The following TMEM74 variants were observed in gnomAD, a reference collection of about 807,000 sequenced individuals.
The protein encoded by TMEM74 is transmembrane protein 74.
TMEM74 carries 13 observed loss-of-function variants against 18.1 expected under a neutral mutation model. The observed-to-expected ratio is 0.72, with a 90% CI of 0.47 to 1.14. TMEM74 has a LOEUF of 1.14. Among genes scored for constraint, TMEM74 ranks in the 50% most tolerant of loss-of-function variants. The pLI is 0.00. For missense variants in TMEM74, 372 were observed against 375.9 expected, an observed-to-expected ratio of 0.99 and a Z score of 0.09; for synonymous variants, 159 against 146.6, an observed-to-expected ratio of 1.08 and a Z score of -0.61.
chr8:108,625,657 A>C (rs1221381723), intron 2 of TMEM74, among the ~76,000 whole-genome samples: 2 of 151,978 alleles, frequency 1.3e-5, no homozygotes, highest in African/African-American at 2.4e-5. Context: ...TATCAAATAT[A>C]TATCATTTAA....
intron 1 of TMEM74, among the ~76,000 whole-genome samples, chr8:108,765,406 A>ATTTTTTTTTT (rs1563546064): frequency 1.2e-5 from 1 of 82,706 alleles, no homozygotes; most frequent in East Asian, 3.7e-4. Context: ...GTTTGGAACT[A>ATTTTTTTTTT]CTTTTTTTTT....
At chr8:108,667,306 G>A (rs1261836854) in intron 1 of TMEM74, among the ~76,000 whole-genome samples, 1 of 152,108 alleles carries the variant, frequency 6.6e-6, no homozygotes, top group African/African-American at 2.4e-5. Flanking sequence ...AGATTGTTAA[G>A]TGTTTTTGGT....
rs538816684 is a variant in TMEM74 at position 108,748,445 on chromosome 8, C to G, written n.119+39031G>C. ...TTTTTCTTGTAAATTTGTTTACATTCCTGGTAGCTGCTGGATATTAGACGT... is the reference window on the plus strand; with the variant it reads ...TTTTTCTTGTAAATTTGTTTACATTGCTGGTAGCTGCTGGATATTAGACGT... On this transcript the variant is annotated intron_variant and non_coding_transcript_variant, in intron 1 of 3. Coordinates refer to the TMEM74 transcript ENST00000518838. Among the ~76,000 whole-genome samples the G allele has an allele frequency of 9.9e-5, 15 of 151,710 alleles. No individual in the cohort carries two copies. The South Asian group carries it at 3.1e-3, about 32-fold the overall frequency.
At chr8:108,627,229 A>G (rs1203080579) in intron 2 of TMEM74, among the ~76,000 whole-genome samples, 1 of 151,984 alleles carries the variant, frequency 6.6e-6, no homozygotes, top group Non-Finnish European at 1.5e-5. Flanking sequence ...CTCCTCCCAC[A>G]CTTCCAGATG....
At chr8:108,741,711 A>G (rs1029292350) in intron 1 of TMEM74, among the ~76,000 whole-genome samples, 2 of 152,214 alleles carry the variant, frequency 1.3e-5, no homozygotes, top group Non-Finnish European at 2.9e-5. Context: ...CATTTTGAAG[A>G]AGAGGACATG....
chr8:108,697,938 C>G (rs771110893), intron 1 of TMEM74, among the ~76,000 whole-genome samples: 29 of 152,148 alleles, frequency 1.9e-4, no homozygotes, highest in Admixed American at 6.5e-5. Context: ...TTTCTTCAAT[C>G]TTTCTCAAGA....
chr8:108,640,115 C>CTTTTTT (rs35455409), intron 2 of TMEM74, among the ~76,000 whole-genome samples: 38 of 78,892 alleles, frequency 4.8e-4, no homozygotes, highest in Non-Finnish European at 5.7e-4. Flanking sequence ...ATAGTAATCA[C>CTTTTTT]TTTTTTTTTT....
At chr8:108,765,467 T>A (rs538161601) in intron 1 of TMEM74, among the ~76,000 whole-genome samples, 1 of 145,440 alleles carries the variant, frequency 6.9e-6, no homozygotes, top group African/African-American at 2.5e-5. Flanking sequence ...AGTACAGTGA[T>A]GTAATCTCAG....
intron 1 of TMEM74, among the ~76,000 whole-genome samples, chr8:108,770,970 C>T (rs1186200912): frequency 2.6e-5 from 4 of 152,130 alleles, no homozygotes; most frequent in Non-Finnish European, 5.9e-5. Context: ...GAAGGTCCCA[C>T]ATCGTCCCTT....
chr8:108,775,787 C>T (rs1814226931), downstream of TMEM74, among the ~76,000 whole-genome samples: 1 of 152,142 alleles, frequency 6.6e-6, no homozygotes, highest in Non-Finnish European at 1.5e-5. Context: ...CTTTCCTGAG[C>T]TCATCATTTG....
intron 1 of TMEM74, among the ~76,000 whole-genome samples, chr8:108,723,778 AG>A (rs1234629279): frequency 2.0e-5 from 3 of 152,216 alleles, no homozygotes; most frequent in Non-Finnish European, 2.9e-5. Flanking sequence ...GGCACATTAA[AG>A]GGGGGACTTA....
intron 2 of TMEM74, among the ~76,000 whole-genome samples, chr8:108,651,729 C>G (rs894448237): frequency 6.6e-6 from 1 of 151,720 alleles, no homozygotes; most frequent in Non-Finnish European, 1.5e-5. Flanking sequence ...AATATGTGGA[C>G]CCCCAGTTGA....
chr8:108,622,870 TCA>T lies in TMEM74; in HGVS notation n.265-14046_265-14045del, dbSNP rs555560656. On this transcript the variant is annotated intron_variant and non_coding_transcript_variant, in intron 2 of 3. Coordinates refer to the TMEM74 transcript ENST00000518838. ...CTTTCTTTCCTCTTATTGATTCACTTCACAAACATATATTAAATACTTACTGT... is the reference window on the plus strand; with the variant it reads ...CTTTCTTTCCTCTTATTGATTCACTTCAAACATATATTAAATACTTACTGT... Among the ~76,000 whole-genome samples, 4 of 152,242 alleles carry T rather than the reference TCA, an allele frequency of 2.6e-5. No homozygotes were observed. The East Asian group carries it at 7.7e-4, about 29-fold the overall frequency.
At chr8:108,701,581 G>T (rs1290125766) in intron 1 of TMEM74, among the ~76,000 whole-genome samples, 1 of 152,156 alleles carries the variant, frequency 6.6e-6, no homozygotes, top group Non-Finnish European at 1.5e-5. Context: ...AAGGTCAATT[G>T]CTTTCCTATA....
intron 1 of TMEM74, among the ~76,000 whole-genome samples, chr8:108,769,923 G>T (rs1814152631): frequency 6.7e-6 from 1 of 150,368 alleles, no homozygotes; most frequent in Non-Finnish European, 1.5e-5. Context: ...ACTTTTTGGG[G>T]CCAGTTTCCA....
At chr8:108,691,191 G>A (rs1030436648) in intron 1 of TMEM74, among the ~76,000 whole-genome samples, 4 of 152,156 alleles carry the variant, frequency 2.6e-5, no homozygotes, top group African/African-American at 9.7e-5. Context: ...CTTCCCTTCT[G>A]GCTGGTGGTG....
rs1005922310 is a variant in TMEM74 at position 108,634,820 on chromosome 8, C to T, written n.264+20473G>A. Among the ~76,000 whole-genome samples the T allele has an allele frequency of 5.1e-4, 78 of 152,110 alleles. 1 individual carries two copies. Among genetic ancestry groups the T allele is most frequent in the African/African-American group, 1.9e-3 (77 of 41,524 alleles). On this transcript the variant is annotated intron_variant and non_coding_transcript_variant, in intron 2 of 3. Coordinates refer to the TMEM74 transcript ENST00000518838. ...TCTGCACAGTAATGTATTCACAGCA[C>T]CAAGGAGCCTCCAGATGAATTGCAC...
intron 1 of TMEM74, among the ~76,000 whole-genome samples, chr8:108,750,664 T>C (rs1227357199): frequency 6.6e-6 from 1 of 152,048 alleles, no homozygotes; most frequent in African/African-American, 2.4e-5. Context: ...CAGAATATGA[T>C]GTTCTGGGGT....
At chr8:108,757,492 CTG>C (rs1277087964) in intron 1 of TMEM74, among the ~76,000 whole-genome samples, 2 of 151,708 alleles carry the variant, frequency 1.3e-5, no homozygotes, top group South Asian at 2.1e-4. Context: ...TTATTCTTTG[CTG>C]TTTTTTAGAG....
Sources: allele counts gnomAD v4.1 joint callset (sites outside exome capture counted in the v4.1 genomes callset), GRCh38; gene constraint gnomAD v4.1.1; transcripts MANE v1.5; gene names NCBI Gene and HGNC (gene_info 2026-07-23, HGNC 2026-07-21).